CTDSP2: variants seen among roughly 807,000 people sequenced by gnomAD.
CTDSP2 encodes the protein CTD small phosphatase 2, also known as carboxy-terminal domain RNA polymerase II polypeptide A small phosphatase 2.
CTDSP2 carries 9 observed loss-of-function variants against 31.6 expected under a neutral mutation model. The ratio of observed to expected loss-of-function variants is 0.28; its 90% confidence interval spans 0.17 to 0.50. CTDSP2 has a LOEUF of 0.50. CTDSP2 is among the 20% of genes least tolerant of loss of function. The pLI is 0.98. For missense variants in CTDSP2, 267 were observed against 348.5 expected (o/e 0.77, Z 1.86); for synonymous variants, 134 against 134.5 (o/e 1.00, Z 0.03).
chr12:57,845,269 T>A, intron 1 of CTDSP2, among the ~76,000 whole-genome samples: 1 of 152,058 alleles, frequency 6.6e-6, no homozygotes, highest in East Asian at 1.9e-4. Flanking sequence ...CACTCGTCCT[T>A]ACACCCCGCG....
intron 1 of CTDSP2, among the ~76,000 whole-genome samples, chr12:57,833,114 G>A (rs1956226765): frequency 1.3e-5 from 2 of 152,204 alleles, no homozygotes; most frequent in African/African-American, 2.4e-5. Context: ...CCTGAAGAGA[G>A]GCCGTCAGGA....
At chr12:57,828,780 G>A (rs549626595) in intron 2 of CTDSP2, among the ~76,000 whole-genome samples, 1 of 152,378 alleles carries the variant, frequency 6.6e-6, no homozygotes, top group South Asian at 2.1e-4. Context: ...CAGTGTTTCA[G>A]AGAAGTACCA....
At chr12:57,845,818 C>G (rs1366356644) in intron 1 of CTDSP2, among the ~76,000 whole-genome samples, 1 of 152,108 alleles carries the variant, frequency 6.6e-6, no homozygotes, top group African/African-American at 2.4e-5. Flanking sequence ...GGGCCCCTCC[C>G]CCACCGCGAC....
At chr12:57,839,504 G>A (rs938969528) in intron 1 of CTDSP2, among the ~76,000 whole-genome samples, 8 of 152,188 alleles carry the variant, frequency 5.3e-5, no homozygotes, top group African/African-American at 1.7e-4. Flanking sequence ...GGATCATGAG[G>A]TCAGGAGATC....
chr12:57,823,653 C>T lies in CTDSP2; in HGVS notation c.765G>A (p.Leu255=). ...LLNLIPIFEE[L]SGAEDVYTSL... ...TGGTGTAGACGTCCTCTGCTCCGCT[C>T]AGCTCCTCAAAGATTGGGATCAGGT... The change falls in exon 8 of 8, where the codon CTG becomes CTA. Residue 255 remains leucine (L), a synonymous_variant. Transcript: ENST00000398073. 1 of 1,614,096 alleles carries T rather than the reference C, an allele frequency of 6.2e-7. No homozygotes were observed. The highest frequency in any genetic ancestry group is 8.5e-7 in the Non-Finnish European group (1 of 1,180,018).
rs902221387 is a variant in CTDSP2, at chr12:57,846,516, G to T, written c.-81C>A. ...CTGGGCTGGGCTGGGGGGCCTGGGC[G>T]GGGGCCCGCTCCGGCTCCCGAGACT... On this transcript the variant is annotated 5_prime_UTR_variant, in exon 1 of 8. Coordinates refer to ENST00000398073, the MANE Select transcript of CTDSP2 (RefSeq NM_005730.4). 8 of 1,185,106 alleles carry T rather than the reference G, an allele frequency of 6.8e-6. No individual in the cohort carries two copies. The highest frequency in any genetic ancestry group is 3.7e-5 in the Admixed American group (1 of 26,828). 73.4% of individuals were successfully genotyped at this position (1,185,106 alleles called of 1,614,324 possible).
intron 2 of CTDSP2, among the ~76,000 whole-genome samples, chr12:57,828,254 T>A (rs1216806289): frequency 6.6e-6 from 1 of 152,114 alleles, no homozygotes; most frequent in Non-Finnish European, 1.5e-5. Context: ...ACTCCGTCTC[T>A]ACTAAAAATA....
intron 1 of CTDSP2, among the ~76,000 whole-genome samples, chr12:57,837,430 A>C (rs977024100): frequency 6.6e-6 from 1 of 152,158 alleles, no homozygotes; most frequent in Non-Finnish European, 1.5e-5. Flanking sequence ...TTTTTGAAAA[A>C]AGCAGTTTTA....
In CTDSP2 at chr12:57,827,111, A is replaced by G; in HGVS notation, c.253-14T>C. 6.3e-7 allele frequency: 1 copy of G among 1,593,274 alleles called. No homozygotes were observed. Among genetic ancestry groups the G allele is most frequent in the African/African-American group, 1.3e-5 (1 of 74,642 alleles). On this transcript the variant is annotated splice_polypyrimidine_tract_variant and intron_variant, in intron 3 of 7. Transcript: ENST00000398073. ...GGTCCCTGGGATCTAAAACCAAGCCAGGTTGCTGAGATCTGCCTACCAAGA... is the reference window on the plus strand; with the variant it reads ...GGTCCCTGGGATCTAAAACCAAGCCGGGTTGCTGAGATCTGCCTACCAAGA...
chr12:57,827,099 TA>T lies in CTDSP2; in HGVS notation c.253-3del. ...TGGGAGCAGGCAGGTCCCTGGGATC[TA>T]AAACCAAGCCAGGTTGCTGAGATCT... On this transcript the variant is annotated splice_polypyrimidine_tract_variant and splice_region_variant and intron_variant, in intron 3 of 7. Transcript: ENST00000398073. 1 of 1,610,604 alleles carries T rather than the reference TA, an allele frequency of 6.2e-7. No individual in the cohort carries two copies.
rs568226025 is a variant in CTDSP2 at position 57,831,839 on chromosome 12, G to C, written c.65-2243C>G. ...GGGAGGAGGAAGACAATGTGGTAGGGGCTACCTAGGAGCAACACACCCAGA... is the reference window on the plus strand; with the variant it reads ...GGGAGGAGGAAGACAATGTGGTAGGCGCTACCTAGGAGCAACACACCCAGA... On this transcript the variant is annotated intron_variant, in intron 1 of 7. Coordinates refer to ENST00000398073, the MANE Select transcript of CTDSP2 (RefSeq NM_005730.4). Among the ~76,000 whole-genome samples, 263 of 152,290 alleles carry C rather than the reference G, an allele frequency of 1.7e-3. 2 individuals are homozygous for C. The highest frequency in any genetic ancestry group is 7.5e-3 in the Admixed American group (115 of 15,300).
intron 1 of CTDSP2, among the ~76,000 whole-genome samples, chr12:57,840,194 C>T (rs535463073): frequency 6.6e-6 from 1 of 152,346 alleles, no homozygotes; most frequent in African/African-American, 2.4e-5. Flanking sequence ...GACCCACCTG[C>T]CCATGCGCTG....
At chr12:57,846,333 C>T (rs757468394) in intron 1 of CTDSP2, 39 bp downstream of exon 1, 3 of 1,573,100 alleles carry the variant, frequency 1.9e-6, no homozygotes, top group Non-Finnish European at 2.6e-6. Flanking sequence ...CCTCCGCGCC[C>T]GGGGGCGACG....
chr12:57,828,190 C>T (rs539933915), intron 2 of CTDSP2, among the ~76,000 whole-genome samples: 95 of 152,176 alleles, frequency 6.2e-4, no homozygotes, highest in Middle Eastern at 3.4e-3. Context: ...GAGGCCGAGG[C>T]GCGCGGATCA....
At chr12:57,837,488 C>T (rs535960702) in intron 1 of CTDSP2, among the ~76,000 whole-genome samples, 1 of 152,170 alleles carries the variant, frequency 6.6e-6, no homozygotes, top group East Asian at 1.9e-4. Flanking sequence ...GTCAGAAGTT[C>T]GAGACCAGCA....
intron 1 of CTDSP2, among the ~76,000 whole-genome samples, chr12:57,832,565 G>A (rs1210479364): frequency 6.6e-6 from 1 of 152,042 alleles, no homozygotes; most frequent in East Asian, 1.9e-4. Flanking sequence ...GCCGAGGTGG[G>A]CGGATCGCCT....
Position 57,823,367 on chromosome 12 carries a change from T to C in CTDSP2, c.*235A>G. 1.8e-6 allele frequency: 1 copy of C among 556,576 alleles called. No individual in the cohort carries two copies. Among genetic ancestry groups the C allele is most frequent in the South Asian group, 2.0e-5 (1 of 49,378 alleles). 34.5% of individuals were successfully genotyped at this position (556,576 alleles called of 1,614,324 possible). On this transcript the variant is annotated 3_prime_UTR_variant, in exon 8 of 8. Coordinates refer to ENST00000398073, the MANE Select transcript of CTDSP2 (RefSeq NM_005730.4). ...GCAAAACACACACACAAACACACAC[T>C]CTCTCACAGTCAAACACACATCTCA...
rs970734795 is a variant in CTDSP2, at chr12:57,846,504, G to C, written c.-69C>G. The C allele has an allele frequency of 4.7e-5, 63 of 1,354,216 alleles. No homozygotes were observed. The South Asian group carries it at 9.1e-4, about 20-fold the overall frequency. The allele number at this position is 1,354,216 out of a possible 1,614,324, so 83.9% of individuals were successfully genotyped here. ...CGGGCGCGCGGGCTGGGCTGGGCTGGGGGGCCTGGGCGGGGGCCCGCTCCG... is the reference window on the plus strand; with the variant it reads ...CGGGCGCGCGGGCTGGGCTGGGCTGCGGGGCCTGGGCGGGGGCCCGCTCCG... On this transcript the variant is annotated 5_prime_UTR_variant, in exon 1 of 8. Coordinates refer to ENST00000398073, the MANE Select transcript of CTDSP2 (RefSeq NM_005730.4).
intron 1 of CTDSP2, among the ~76,000 whole-genome samples, chr12:57,837,874 T>C (rs1956257607): frequency 6.6e-6 from 1 of 152,044 alleles, no homozygotes; most frequent in African/African-American, 2.4e-5. Context: ...TATATGGCTG[T>C]CTCTTCTTTC....
Sources: allele counts gnomAD v4.1 joint callset (sites outside exome capture counted in the v4.1 genomes callset), GRCh38; gene constraint gnomAD v4.1.1; transcripts MANE v1.5; gene names NCBI Gene and HGNC (gene_info 2026-07-23, HGNC 2026-07-21).